HPCAL1: variants seen among roughly 807,000 people sequenced by gnomAD.
HPCAL1 encodes hippocalcin like 1, also known as hippocalcin-like protein 1.
In HPCAL1, 8 loss-of-function variants were observed where a neutral mutation model predicts 17.1. The ratio of observed to expected loss-of-function variants is 0.47; its 90% confidence interval spans 0.27 to 0.84. HPCAL1 has a LOEUF of 0.84. Ranked by LOEUF, HPCAL1 falls within the 40% of genes least tolerant of loss-of-function variation. The pLI, the probability that HPCAL1 is intolerant of heterozygous loss-of-function variation, is 0.13. For missense variants in HPCAL1, 165 were observed against 271.1 expected (o/e 0.61, Z 2.75); for synonymous variants, 112 against 111.4 (o/e 1.01, Z -0.03).
chr2:10,423,224 G>C (rs1671181429), intron 4 of HPCAL1, 136 bp downstream of exon 4: 1 of 682,248 alleles, frequency 1.5e-6, no homozygotes. Flanking sequence ...CCTGGCGCCT[G>C]CCATGCCCAG....
intron 2 of HPCAL1, among the ~76,000 whole-genome samples, chr2:10,402,491 C>T (rs1669682449): frequency 6.6e-6 from 1 of 152,144 alleles, no homozygotes; most frequent in African/African-American, 2.4e-5. Flanking sequence ...ATTATAAACA[C>T]ACTCTCTATG....
intron 2 of HPCAL1, among the ~76,000 whole-genome samples, chr2:10,414,830 G>A (rs186586515): frequency 4.7e-4 from 71 of 152,312 alleles, no homozygotes; most frequent in Admixed American, 4.4e-3. Context: ...ACAAGCAGGT[G>A]CAGAACACAG....
In HPCAL1 at chr2:10,323,482, G is replaced by A. The variant is rs951744695; in HGVS notation, c.-111+20305G>A. Among the ~76,000 whole-genome samples the A allele has an allele frequency of 2.6e-5, 4 of 152,340 alleles. No homozygotes were observed. The highest frequency in any genetic ancestry group is 6.5e-5 in the Admixed American group (1 of 15,306). The stretch of plus-strand genomic sequence containing the variant: ...CACCTGGCCCTGGCAGTGGGCGCAC[G>A]TTAGGTGGGATTGCTGAAGACAATG... On this transcript the variant is annotated intron_variant, in intron 1 of 4. Coordinates refer to ENST00000307845, the MANE Select transcript of HPCAL1 (RefSeq NM_002149.4). This position sits in a 1 kb window ranked among gnomAD's most constrained non-coding sequence, Gnocchi z 4.6.
chr2:10,376,001 C>T (rs1434704272), intron 1 of HPCAL1, among the ~76,000 whole-genome samples: 1 of 152,212 alleles, frequency 6.6e-6, no homozygotes, highest in Non-Finnish European at 1.5e-5. Flanking sequence ...GCAGATTCCT[C>T]ATGAATGGCT....
intron 1 of HPCAL1, among the ~76,000 whole-genome samples, chr2:10,340,608 C>T (rs765461912): frequency 1.3e-5 from 2 of 152,206 alleles, no homozygotes; most frequent in Non-Finnish European, 2.9e-5. Context: ...TCCAGGGCCA[C>T]GCAGTCTGTA....
chr2:10,310,726 C>G lies in HPCAL1; in HGVS notation c.-111+7549C>G, dbSNP rs1241077048. On this transcript the variant is annotated intron_variant, in intron 1 of 4. Coordinates refer to ENST00000307845, the MANE Select transcript of HPCAL1 (RefSeq NM_002149.4). The surrounding 1 kb of genome is among the most constrained non-coding windows in gnomAD (Gnocchi z 4.5). ...AGTGTGTGCAGAGCATGGATCGGGTCTGGGAGTGTTCGTGCTGGCAGGCCG... is the reference window on the plus strand; with the variant it reads ...AGTGTGTGCAGAGCATGGATCGGGTGTGGGAGTGTTCGTGCTGGCAGGCCG... Among the ~76,000 whole-genome samples, 2 of 152,102 alleles carry G rather than the reference C, an allele frequency of 1.3e-5. No homozygotes were observed. The highest frequency in any genetic ancestry group is 2.9e-5 in the Non-Finnish European group (2 of 68,028).
At chr2:10,390,263 C>T (rs939046066) in intron 1 of HPCAL1, among the ~76,000 whole-genome samples, 3 of 152,206 alleles carry the variant, frequency 2.0e-5, no homozygotes, top group Non-Finnish European at 4.4e-5. Context: ...TGTCTGGTCT[C>T]AGACCACAGC....
intron 1 of HPCAL1, among the ~76,000 whole-genome samples, chr2:10,366,605 A>G (rs1184829182): frequency 1.3e-5 from 2 of 152,178 alleles, no homozygotes; most frequent in Non-Finnish European, 2.9e-5. Context: ...CCAAGAGCAC[A>G]TCTGTCTGGC....
chr2:10,318,669 T>C (rs554448589), intron 1 of HPCAL1, among the ~76,000 whole-genome samples: 21 of 152,256 alleles, frequency 1.4e-4, no homozygotes, highest in African/African-American at 5.1e-4. Flanking sequence ...AAAACAAACC[T>C]CAGGCCCCAA....
intron 1 of HPCAL1, among the ~76,000 whole-genome samples, chr2:10,347,478 G>A (rs544599051): frequency 6.6e-6 from 1 of 152,298 alleles, no homozygotes; most frequent in Admixed American, 6.5e-5. Context: ...AAAGGTGGGC[G>A]TGGGGAGGAG....
Position 10,384,513 on chromosome 2 carries a change from G to C in HPCAL1, c.-110-12322G>C, listed in dbSNP as rs1668182932. 6.6e-6 allele frequency among the ~76,000 whole-genome samples: 1 copy of C among 151,984 alleles called. No homozygotes were observed. Among genetic ancestry groups the C allele is most frequent in the South Asian group, 2.1e-4 (1 of 4,826 alleles). ...GTGCTGTGCTGGGCACTGGGGCAAG[G>C]CCCCCTCCCCCATGGGGCTACAGAT... is the stretch of plus-strand genomic sequence containing the variant. On this transcript the variant is annotated intron_variant, in intron 1 of 4. Coordinates refer to ENST00000307845, the MANE Select transcript of HPCAL1 (RefSeq NM_002149.4). The surrounding 1 kb of genome is among the most constrained non-coding windows in gnomAD (Gnocchi z 4.4).
intron 2 of HPCAL1, among the ~76,000 whole-genome samples, chr2:10,412,331 C>T (rs1403828036): frequency 6.6e-6 from 1 of 152,188 alleles, no homozygotes; most frequent in Non-Finnish European, 1.5e-5. Flanking sequence ...AGGTACATGA[C>T]TGGTTGGGGA....
chr2:10,367,198 A>G lies in HPCAL1; in HGVS notation c.-110-29637A>G, dbSNP rs1025726513. Among the ~76,000 whole-genome samples, 2 of 151,966 alleles carry G rather than the reference A, an allele frequency of 1.3e-5. No homozygotes were observed. The highest frequency in any genetic ancestry group is 2.9e-5 in the Non-Finnish European group (2 of 68,008). On this transcript the variant is annotated intron_variant, in intron 1 of 4. Transcript: ENST00000307845. The surrounding 1 kb of genome is among the most constrained non-coding windows in gnomAD (Gnocchi z 4.4). ...GGACTTGAGGGTAACTTCATCTCTC[A>G]AAATAGGCTGAGACTTTTTACAGTT...
At chr2:10,399,119 G>C (rs1184133681) in intron 2 of HPCAL1, among the ~76,000 whole-genome samples, 1 of 151,516 alleles carries the variant, frequency 6.6e-6, no homozygotes, top group Non-Finnish European at 1.5e-5. Context: ...GAAGAGATCA[G>C]AAGAGGGTAG....
intron 2 of HPCAL1, among the ~76,000 whole-genome samples, chr2:10,398,223 G>C (rs1669186301): frequency 6.6e-6 from 1 of 152,238 alleles, no homozygotes; most frequent in Admixed American, 6.5e-5. Context: ...ATCTGGCCAT[G>C]CCCAGCCCCT....
At chr2:10,332,834 G>A (rs1267989718) in intron 1 of HPCAL1, among the ~76,000 whole-genome samples, 1 of 152,188 alleles carries the variant, frequency 6.6e-6, no homozygotes, top group East Asian at 1.9e-4. Flanking sequence ...CTCAAGGGTG[G>A]TCAGATGTGA....
chr2:10,394,432 G>A lies in HPCAL1; in HGVS notation c.-110-2403G>A, dbSNP rs147947871. Among the ~76,000 whole-genome samples the A allele has an allele frequency of 1.2e-4, 18 of 152,312 alleles. No individual in the cohort carries two copies. The East Asian group carries it at 2.1e-3, about 18-fold the overall frequency. ...CTCGGAGTGTCAAAGCAGTGCGCAC[G>A]GAGCTGTGAGATAAATTGGCTGAGA... On this transcript the variant is annotated intron_variant, in intron 1 of 4. Coordinates refer to ENST00000307845, the MANE Select transcript of HPCAL1 (RefSeq NM_002149.4). This position sits in a 1 kb window ranked among gnomAD's most constrained non-coding sequence, Gnocchi z 5.0.
At chr2:10,399,871 A>G (rs940486969) in intron 2 of HPCAL1, among the ~76,000 whole-genome samples, 2 of 152,072 alleles carry the variant, frequency 1.3e-5, no homozygotes, top group African/African-American at 4.8e-5. Flanking sequence ...GGGTTCATGG[A>G]GCACGTACCC....
intron 2 of HPCAL1, among the ~76,000 whole-genome samples, chr2:10,415,969 A>T (rs981837433): frequency 1.3e-5 from 2 of 152,178 alleles, no homozygotes; most frequent in African/African-American, 2.4e-5. Flanking sequence ...GCACAGGAGG[A>T]GCCACCACGG....
Sources: gnomAD v4.1 joint callset for allele counts (sites outside exome capture counted in the v4.1 genomes callset) on GRCh38, gnomAD v4.1.1 for gene constraint, Gnocchi (gnomAD v3.1) non-coding constraint, MANE v1.5 for transcripts, NCBI Gene and HGNC (gene_info 2026-07-23, HGNC 2026-07-21) for gene names.